The following SEPTIN9 variants were observed in gnomAD, a reference collection of about 807,000 sequenced individuals.
The protein encoded by SEPTIN9 is septin-9.
In SEPTIN9, 13 loss-of-function variants were observed where a neutral mutation model predicts 56.6. The observed-to-expected ratio is 0.23, with a 90% CI of 0.15 to 0.37. The LOEUF (loss-of-function observed/expected upper bound fraction) is 0.37, where lower values mean the gene tolerates loss of function less well. Among genes scored for constraint, SEPTIN9 ranks in the 10% least tolerant of loss-of-function variants. The probability of loss-of-function intolerance (pLI) is 1.00; values close to 1 mark genes in which losing one functional copy is unlikely to be tolerated. For synonymous variants in SEPTIN9, 332 were observed against 334.1 expected, an observed-to-expected ratio of 0.99 and a Z score of 0.07; for missense variants, 650 against 823.1, an observed-to-expected ratio of 0.79 and a Z score of 2.57.
chr17:77,344,658 G>A (rs1004457115), intron 2 of SEPTIN9, among the ~76,000 whole-genome samples: 4 of 152,120 alleles, frequency 2.6e-5, no homozygotes, highest in Non-Finnish European at 5.9e-5. Context: ...TCTGTACAGT[G>A]GAATATTATT....
At chr17:77,455,042 C>T (rs760103635) in intron 3 of SEPTIN9, among the ~76,000 whole-genome samples, 1 of 150,134 alleles carries the variant, frequency 6.7e-6, no homozygotes. Context: ...GCGATTGGCT[C>T]TCTTTCTTTT....
intron 2 of SEPTIN9, among the ~76,000 whole-genome samples, chr17:77,307,642 G>A (rs2032323794): frequency 1.3e-5 from 2 of 152,170 alleles, no homozygotes; most frequent in South Asian, 4.1e-4. Flanking sequence ...TACGTCCGGT[G>A]TTATCTAGGA....
At chr17:77,470,111 T>TCACTCATCTGTCCATC (rs2038922164) in intron 3 of SEPTIN9, among the ~76,000 whole-genome samples, 1 of 104,684 alleles carries the variant, frequency 9.6e-6, no homozygotes, top group Non-Finnish European at 2.0e-5. Flanking sequence ...ATCCACTCAT[T>TCACTCATCTGTCCATC]CACTCATCTG....
At position 77,371,072 on chromosome 17, in the gene SEPTIN9, C is replaced by A. The variant is rs964703444; in HGVS notation, c.77-30987C>A. ...TACAATTAGAGCAGTTGGTTAGATACGAGGGTGAACTTCCTGGCTGGGAGT... is the reference window on the plus strand; with the variant it reads ...TACAATTAGAGCAGTTGGTTAGATAAGAGGGTGAACTTCCTGGCTGGGAGT... On this transcript the variant is annotated intron_variant, in intron 2 of 11. Coordinates refer to ENST00000427177, the MANE Select transcript of SEPTIN9 (RefSeq NM_001113491.2). This position sits in a 1 kb window ranked among gnomAD's most constrained non-coding sequence, Gnocchi z 4.1. Among the ~76,000 whole-genome samples, 1 of 152,170 alleles carries A rather than the reference C, an allele frequency of 6.6e-6. No individual in the cohort carries two copies. The highest frequency in any genetic ancestry group is 1.5e-5 in the Non-Finnish European group (1 of 68,028).
At chr17:77,474,681 G>T (rs1003676104) in intron 3 of SEPTIN9, among the ~76,000 whole-genome samples, 3 of 152,136 alleles carry the variant, frequency 2.0e-5, no homozygotes. Context: ...TGGGGAGGGG[G>T]TCAGCAGCCT....
In SEPTIN9 at chr17:77,475,013, A is replaced by T. The variant is rs890915803; in HGVS notation, c.722-7131A>T. 3.8e-4 allele frequency among the ~76,000 whole-genome samples: 58 copies of T among 152,038 alleles called. No homozygotes were observed. The highest frequency in any genetic ancestry group is 6.6e-4 in the Non-Finnish European group (45 of 68,012). ...TGAGACCCACTCTCTAAAAAAAAAA[A>T]TTAGAGTAACGCCTGGCACAGAGAG... is the stretch of plus-strand genomic sequence containing the variant. On this transcript the variant is annotated intron_variant, in intron 3 of 11. Transcript: ENST00000427177. This position sits in a 1 kb window ranked among gnomAD's most constrained non-coding sequence, Gnocchi z 4.6.
intron 3 of SEPTIN9, chr17:77,454,296 C>T: frequency 2.0e-6 from 2 of 985,518 alleles, no homozygotes; most frequent in Non-Finnish European, 2.4e-6. Flanking sequence ...GGACTCTAGT[C>T]CCAGAGTTCT....
Position 77,425,461 on chromosome 17 carries a change from A to C in SEPTIN9, c.721+22758A>C, listed in dbSNP as rs2036869905. ...GAGTGTCACTCTGGATACAGCCCTC[A>C]CCTCTTCCTGGCCCCCTCTCTGGTC... is the stretch of plus-strand genomic sequence containing the variant. On this transcript the variant is annotated intron_variant, in intron 3 of 11. Transcript: ENST00000427177. This position sits in a 1 kb window ranked among gnomAD's most constrained non-coding sequence, Gnocchi z 4.2. 6.6e-6 allele frequency among the ~76,000 whole-genome samples: 1 copy of C among 151,876 alleles called. No homozygotes were observed. Among genetic ancestry groups the C allele is most frequent in the South Asian group, 2.1e-4 (1 of 4,816 alleles).
In SEPTIN9 at chr17:77,384,934, G is replaced by A. The variant is rs550393181; in HGVS notation, c.77-17125G>A. Reference sequence around the variant, plus strand: ...GACATTTGTCAGAATATTGATGGAAGTTACCTGGGTTGTGGGTTTATAGAT... The same window carrying A: ...GACATTTGTCAGAATATTGATGGAAATTACCTGGGTTGTGGGTTTATAGAT... On this transcript the variant is annotated intron_variant, in intron 2 of 11. Coordinates refer to ENST00000427177, the MANE Select transcript of SEPTIN9 (RefSeq NM_001113491.2). Among the ~76,000 whole-genome samples, 4 of 151,826 alleles carry A rather than the reference G, an allele frequency of 2.6e-5. No individual in the cohort carries two copies. The South Asian group carries it at 8.3e-4, about 32-fold the overall frequency.
At chr17:77,352,012 G>T (rs1302651006) in intron 2 of SEPTIN9, among the ~76,000 whole-genome samples, 4 of 152,196 alleles carry the variant, frequency 2.6e-5, no homozygotes, top group African/African-American at 7.2e-5. Flanking sequence ...GGCTGCCGTG[G>T]GGGAGGGGCC....
In SEPTIN9 at chr17:77,329,840, AT is replaced by A. The variant is rs1243601715; in HGVS notation, c.76+22646del. On this transcript the variant is annotated intron_variant, in intron 2 of 11. Coordinates refer to ENST00000427177, the MANE Select transcript of SEPTIN9 (RefSeq NM_001113491.2). The surrounding 1 kb of genome is among the most constrained non-coding windows in gnomAD (Gnocchi z 4.3). ...GGGTGAGGCAGAACCTCCCTCCCAT[AT>A]TTACAGCACCAGCCAAGGCTTCGGG... is the stretch of plus-strand genomic sequence containing the variant. Among the ~76,000 whole-genome samples, 1 of 152,062 alleles carries A rather than the reference AT, an allele frequency of 6.6e-6. No individual in the cohort carries two copies. Among genetic ancestry groups the A allele is most frequent in the African/African-American group, 2.4e-5 (1 of 41,394 alleles).
intron 2 of SEPTIN9, among the ~76,000 whole-genome samples, chr17:77,366,493 AG>A (rs1324168163): frequency 1.3e-5 from 2 of 152,198 alleles, no homozygotes; most frequent in Non-Finnish European, 2.9e-5. Context: ...AAAGCTCACC[AG>A]GTGTGCAAAT....
chr17:77,293,459 G>C (rs1171620071), intron 1 of SEPTIN9, among the ~76,000 whole-genome samples: 1 of 152,158 alleles, frequency 6.6e-6, no homozygotes, highest in Non-Finnish European at 1.5e-5. Flanking sequence ...ACAGTGCCTG[G>C]TCCACTTGAG....
intron 3 of SEPTIN9, chr17:77,466,451 T>C: frequency 3.0e-6 from 3 of 985,514 alleles, no homozygotes; most frequent in Non-Finnish European, 3.6e-6. Context: ...GCTTCCAGGT[T>C]CCGGCTGCTG....
intron 2 of SEPTIN9, among the ~76,000 whole-genome samples, chr17:77,382,858 G>T (rs1003870646): frequency 6.6e-6 from 1 of 152,090 alleles, no homozygotes; most frequent in Non-Finnish European, 1.5e-5. Context: ...AAGCAAAGGC[G>T]GGGTCCCTCC....
In SEPTIN9 at chr17:77,371,599, G is replaced by A. The variant is rs2034721215; in HGVS notation, c.77-30460G>A. Reference sequence around the variant, plus strand: ...ACTGGACCCCCAAATCCCCAAATACGGCGTGGACAGGTGGCCCAGTAGGGG... The same window carrying A: ...ACTGGACCCCCAAATCCCCAAATACAGCGTGGACAGGTGGCCCAGTAGGGG... On this transcript the variant is annotated intron_variant, in intron 2 of 11. Coordinates refer to ENST00000427177, the MANE Select transcript of SEPTIN9 (RefSeq NM_001113491.2). The surrounding 1 kb of genome is among the most constrained non-coding windows in gnomAD (Gnocchi z 4.1). Among the ~76,000 whole-genome samples the A allele has an allele frequency of 1.3e-5, 2 of 152,190 alleles. No homozygotes were observed. The highest frequency in any genetic ancestry group is 2.9e-5 in the Non-Finnish European group (2 of 68,048).
rs757653992 is a variant in SEPTIN9 at position 77,451,907 on chromosome 17, G to T, written c.722-30237G>T. Among the ~76,000 whole-genome samples the T allele has an allele frequency of 3.3e-5, 5 of 152,186 alleles. No homozygotes were observed. The highest frequency in any genetic ancestry group is 7.3e-5 in the Non-Finnish European group (5 of 68,038). On this transcript the variant is annotated intron_variant, in intron 3 of 11. Coordinates refer to ENST00000427177, the MANE Select transcript of SEPTIN9 (RefSeq NM_001113491.2). The surrounding 1 kb of genome is among the most constrained non-coding windows in gnomAD (Gnocchi z 4.2). ...TTCCAGGAGGGCCAGGAAGAAATTC[G>T]AATTGGCCACCGCTTTCTCTAAAAT...
Position 77,437,633 on chromosome 17 carries a change from G to A in SEPTIN9, c.721+34930G>A, listed in dbSNP as rs1157613605. Among the ~76,000 whole-genome samples the A allele has an allele frequency of 1.3e-5, 2 of 152,058 alleles. No homozygotes were observed. The highest frequency in any genetic ancestry group is 2.4e-5 in the African/African-American group (1 of 41,400). On this transcript the variant is annotated intron_variant, in intron 3 of 11. Coordinates refer to ENST00000427177, the MANE Select transcript of SEPTIN9 (RefSeq NM_001113491.2). The surrounding 1 kb of genome is among the most constrained non-coding windows in gnomAD (Gnocchi z 5.3). The stretch of plus-strand genomic sequence containing the variant: ...TGGGGAGACCTCAGAGGGGCCTGCC[G>A]TCACCATCGCCAGTGGCCCTGGCCT...
In SEPTIN9 at chr17:77,422,666, A is replaced by G. The variant is rs544235580; in HGVS notation, c.721+19963A>G. Among the ~76,000 whole-genome samples, 1,015 of 136,638 alleles carry G rather than the reference A, an allele frequency of 7.4e-3. 7 individuals carry two copies. The highest frequency in any genetic ancestry group is 0.032 in the African/African-American group (980 of 31,004). The allele number at this position is 136,638 out of a possible 152,430, so 89.6% of individuals were successfully genotyped here. The stretch of plus-strand genomic sequence containing the variant: ...GTCACCTCGGATGGTGCAGGGGTCC[A>G]TCCCCATGAAACCGGGCCCATCCCC... On this transcript the variant is annotated intron_variant, in intron 3 of 11. Transcript: ENST00000427177.
Sources: allele counts gnomAD v4.1 joint callset (sites outside exome capture counted in the v4.1 genomes callset), GRCh38; gene constraint gnomAD v4.1.1; non-coding constraint Gnocchi (gnomAD v3.1); transcripts MANE v1.5; gene names NCBI Gene and HGNC (gene_info 2026-07-23, HGNC 2026-07-21).